The following ADGRB2 variants were observed in gnomAD, a reference collection of about 807,000 sequenced individuals.
The protein encoded by ADGRB2 is adhesion G protein-coupled receptor B2.
ADGRB2 carries 47 observed loss-of-function variants against 178.7 expected under a neutral mutation model. That is an observed-to-expected ratio of 0.26 (90% confidence interval 0.21 to 0.34). ADGRB2 has a LOEUF of 0.34. Ranked by LOEUF, ADGRB2 falls within the 10% of genes least tolerant of loss-of-function variation. The pLI is 1.00. For missense variants in ADGRB2, 1,584 were observed against 2,180.8 expected (o/e 0.73, Z 5.45); for synonymous variants, 870 against 912.4 (o/e 0.95, Z 0.84).
chr1:31,741,753 G>A lies in ADGRB2; in HGVS notation c.1586-28C>T. The A allele has an allele frequency of 1.2e-6, 2 of 1,604,480 alleles. No homozygotes were observed. Among genetic ancestry groups the A allele is most frequent in the Non-Finnish European group, 1.7e-6 (2 of 1,172,914 alleles). ...GTGGGTGCAGGGGTAAGGTTCAGCT[G>A]GGTCCACACATGGGGCCCCCAGCCC... On this transcript the variant is annotated intron_variant, in intron 9 of 32. Coordinates refer to ENST00000373658, the MANE Select transcript of ADGRB2 (RefSeq NM_001364857.2). This position sits in a 1 kb window ranked among gnomAD's most constrained non-coding sequence, Gnocchi z 6.5.
intron 20 of ADGRB2, among the ~76,000 whole-genome samples, 184 bp downstream of exon 20, chr1:31,737,245 C>T (rs1014475421): frequency 4.6e-5 from 7 of 152,194 alleles, no homozygotes; most frequent in Admixed American, 2.6e-4. Context: ...CACTTGAGTA[C>T]ACACCCCCTC....
At position 31,736,558 on chromosome 1, in the gene ADGRB2, A is replaced by C. The variant is rs1340254368; in HGVS notation, c.3130+15T>G. 6.2e-7 allele frequency: 1 copy of C among 1,612,764 alleles called. No individual in the cohort carries two copies. Among genetic ancestry groups the C allele is most frequent in the African/African-American group, 1.3e-5 (1 of 74,900 alleles). On this transcript the variant is annotated intron_variant, in intron 21 of 32. Transcript: ENST00000373658. Reference sequence around the variant, plus strand: ...CCAAGGCCCAGCAGCAGAGTCCAGCACTGGCCCTGCTCACCCCAGCCCAGG... The same window carrying C: ...CCAAGGCCCAGCAGCAGAGTCCAGCCCTGGCCCTGCTCACCCCAGCCCAGG...
At position 31,756,693 on chromosome 1, in the gene ADGRB2, G is replaced by A; in HGVS notation, c.144C>T (p.Leu48=). The change falls in exon 4 of 33, where the codon CTC becomes CTT. Residue 48 remains leucine (L), a synonymous_variant. Transcript: ENST00000373658. The surrounding 1 kb of genome is among the most constrained non-coding windows in gnomAD (Gnocchi z 8.5). ...SACSALASGV[L]YGAFSLQDLF... ...GGTCCTGCAGCGAGAAGGCCCCGTAGAGCACACCCGAGGCCAGGGCAGAGC... is the reference window on the plus strand; with the variant it reads ...GGTCCTGCAGCGAGAAGGCCCCGTAAAGCACACCCGAGGCCAGGGCAGAGC... 1.9e-6 allele frequency: 3 copies of A among 1,606,538 alleles called. No individual in the cohort carries two copies. The highest frequency in any genetic ancestry group is 2.5e-6 in the Non-Finnish European group (3 of 1,176,862).
In ADGRB2 at chr1:31,727,495, T is replaced by G; in HGVS notation, c.4683A>C (p.Glu1561Asp). Residue 1561 changes from glutamate to aspartate, a missense_variant, in exon 33 of 33, where the codon GAA becomes GAC. Physicochemically the swap from Glu to Asp is conservative, Grantham distance 45 (BLOSUM62 2). Transcript: ENST00000373658. The surrounding 1 kb of genome is among the most constrained non-coding windows in gnomAD (Gnocchi z 4.4). ...TLGSLPPKPR[E>D]RLTLHRAAAW... is the part of the protein sequence containing the mutation. ...CTGCTGCCCGGTGCAGAGTCAGCCGTTCTCGGGGCTTGGGGGGCAGCGAGC... is the reference window on the plus strand; with the variant it reads ...CTGCTGCCCGGTGCAGAGTCAGCCGGTCTCGGGGCTTGGGGGGCAGCGAGC... The G allele has an allele frequency of 6.3e-7, 1 of 1,596,144 alleles. No individual in the cohort carries two copies. The highest frequency in any genetic ancestry group is 8.5e-7 in the Non-Finnish European group (1 of 1,175,062).
chr1:31,736,560 T>G lies in ADGRB2; in HGVS notation c.3130+13A>C. On this transcript the variant is annotated intron_variant, in intron 21 of 32. Coordinates refer to ENST00000373658, the MANE Select transcript of ADGRB2 (RefSeq NM_001364857.2). Reference sequence around the variant, plus strand: ...AAGGCCCAGCAGCAGAGTCCAGCACTGGCCCTGCTCACCCCAGCCCAGGCA... The same window carrying G: ...AAGGCCCAGCAGCAGAGTCCAGCACGGGCCCTGCTCACCCCAGCCCAGGCA... 6.2e-7 allele frequency: 1 copy of G among 1,612,996 alleles called. No homozygotes were observed. The highest frequency in any genetic ancestry group is 8.5e-7 in the Non-Finnish European group (1 of 1,179,364).
Position 31,735,497 on chromosome 1 carries a change from G to T in ADGRB2, c.3353+83C>A. On this transcript the variant is annotated intron_variant, in intron 24 of 32. Coordinates refer to ENST00000373658, the MANE Select transcript of ADGRB2 (RefSeq NM_001364857.2). This position sits in a 1 kb window ranked among gnomAD's most constrained non-coding sequence, Gnocchi z 6.0. ...TGGGGAGCCCCGGTCGCATCATCGAGCCCTGAGTCTCCAAGAGCACCCATG... is the reference window on the plus strand; with the variant it reads ...TGGGGAGCCCCGGTCGCATCATCGATCCCTGAGTCTCCAAGAGCACCCATG... 6.6e-7 allele frequency: 1 copy of T among 1,516,246 alleles called. No individual in the cohort carries two copies. Among genetic ancestry groups the T allele is most frequent in the South Asian group, 1.2e-5 (1 of 86,318 alleles). 93.9% of individuals were successfully genotyped at this position (1,516,246 alleles called of 1,614,324 possible). A position where few individuals can be genotyped will look rare whatever the true frequency, so the allele number is the denominator to read the frequency against.
At position 31,756,103 on chromosome 1, in the gene ADGRB2, TG is replaced by T; in HGVS notation, c.733del (p.His245ThrfsTer33). 1 of 1,613,612 alleles carries T rather than the reference TG, an allele frequency of 6.2e-7. No homozygotes were observed. Reference sequence around the variant, plus strand: ...GGGCACCAGGGCATTGGACAGGGTGTGGGCAGCAGGAGGGCCTGGAGATGTG... The same window carrying T: ...GGGCACCAGGGCATTGGACAGGGTGTGGCAGCAGGAGGGCCTGGAGATGTG... The part of the protein sequence containing the change: ...TTTSPGPPAA[H>X]TLSNALVPGG... On this transcript the variant is annotated frameshift_variant, in exon 4 of 33. Transcript: ENST00000373658. LOFTEE classifies it high-confidence loss of function. The surrounding 1 kb of genome is among the most constrained non-coding windows in gnomAD (Gnocchi z 8.5).
In ADGRB2 at chr1:31,736,823, C is replaced by T. The variant is rs116483580; in HGVS notation, c.2980-100G>A. ...GCTGCTGGGCGCTGCCACAGCCGCC[C>T]ACCTGAGCCCCGCCCCCCACAGAGC... On this transcript the variant is annotated intron_variant, in intron 20 of 32. Transcript: ENST00000373658. 1.3e-3 allele frequency: 1,997 copies of T among 1,481,482 alleles called. 23 individuals are homozygous for T. The African/African-American group carries it at 0.024, about 18-fold the overall frequency. 91.8% of individuals were successfully genotyped at this position (1,481,482 alleles called of 1,614,324 possible).
In ADGRB2 at chr1:31,744,414, T is replaced by G; in HGVS notation, c.923-57A>C. The G allele has an allele frequency of 1.3e-6, 2 of 1,538,548 alleles. No homozygotes were observed. The highest frequency in any genetic ancestry group is 1.7e-6 in the Non-Finnish European group (2 of 1,143,622). On this transcript the variant is annotated intron_variant, in intron 5 of 32. Coordinates refer to ENST00000373658, the MANE Select transcript of ADGRB2 (RefSeq NM_001364857.2). The surrounding 1 kb of genome is among the most constrained non-coding windows in gnomAD (Gnocchi z 6.7). ...GGCACCTCCCAAGCACTCAGTCTCA[T>G]AGGGATAGGGGGAGTGGCAGTAAGG... is the stretch of plus-strand genomic sequence containing the variant.
rs1647125006 is a variant in ADGRB2, at chr1:31,763,892, C to G, written c.-199G>C. ...TGGGGCCGAGCACTCACCTGGGCGC[C>G]GTCAGCAGCAGGAGCGGGGGCCGGC... is the stretch of plus-strand genomic sequence containing the variant. On this transcript the variant is annotated 5_prime_UTR_variant, in exon 1 of 33. Coordinates refer to ENST00000373658, the MANE Select transcript of ADGRB2 (RefSeq NM_001364857.2). 1 of 985,314 alleles carries G rather than the reference C, an allele frequency of 1.0e-6. No individual in the cohort carries two copies. The highest frequency in any genetic ancestry group is 1.7e-5 in the African/African-American group (1 of 57,152). The allele number at this position is 985,314 out of a possible 1,614,324, so 61.0% of individuals were successfully genotyped here. A position where few individuals can be genotyped will look rare whatever the true frequency, so the allele number is the denominator to read the frequency against.
At chr1:31,729,374 C>T (rs1645161620) in intron 29 of ADGRB2, among the ~76,000 whole-genome samples, 1 of 152,108 alleles carries the variant, frequency 6.6e-6, no homozygotes. Flanking sequence ...GGCATGCTCA[C>T]CACCATGGGC....
Position 31,764,046 on chromosome 1 carries a change from A to G in ADGRB2, c.-353T>C. On this transcript the variant is annotated 5_prime_UTR_variant, in exon 1 of 33. Coordinates refer to ENST00000373658, the MANE Select transcript of ADGRB2 (RefSeq NM_001364857.2). This position sits in a 1 kb window ranked among gnomAD's most constrained non-coding sequence, Gnocchi z 7.3. The stretch of plus-strand genomic sequence containing the variant: ...GCTCTCCCGGGCGGCGGGTGCAGAA[A>G]AGGCGCCGCGGAGCAGCGCGGGGCG... The G allele has an allele frequency of 1.1e-6, 1 of 875,060 alleles. No individual in the cohort carries two copies. The highest frequency in any genetic ancestry group is 1.4e-6 in the Non-Finnish European group (1 of 737,952). 54.2% of individuals were successfully genotyped at this position (875,060 alleles called of 1,614,324 possible).
chr1:31,731,415 C>A lies in ADGRB2; in HGVS notation c.3765G>T (p.Leu1255=). The A allele has an allele frequency of 6.3e-7, 1 of 1,595,506 alleles. No homozygotes were observed. The highest frequency in any genetic ancestry group is 1.1e-5 in the South Asian group (1 of 87,506). Residue 1255 remains leucine (L), a synonymous_variant, in exon 29 of 33, where the codon CTG becomes CTT. Coordinates refer to ENST00000373658, the MANE Select transcript of ADGRB2 (RefSeq NM_001364857.2). ...KDVDLACQTV[L]FKEVNTCNPS... is the part of the protein sequence containing the mutation. ...GGTTGCAAGTGTTGACCTCCTTGAA[C>A]AGCACTGGGGGCAGGAGTGGGAGGG... is the stretch of plus-strand genomic sequence containing the variant.
rs750007587 is a variant in ADGRB2, at chr1:31,733,503, G to A, written c.3453-360C>T. Among the ~76,000 whole-genome samples, 9 of 152,148 alleles carry A rather than the reference G, an allele frequency of 5.9e-5. No individual in the cohort carries two copies. Among genetic ancestry groups the A allele is most frequent in the African/African-American group, 1.9e-4 (8 of 41,424 alleles). ...TTTTAAAAATGCACGGGGCCGGGAC[G>A]GCATCCCCAGAGCCTAACTGGGTAG... On this transcript the variant is annotated intron_variant, in intron 25 of 32. Coordinates refer to ENST00000373658, the MANE Select transcript of ADGRB2 (RefSeq NM_001364857.2). This position sits in a 1 kb window ranked among gnomAD's most constrained non-coding sequence, Gnocchi z 4.3.
rs1302672307 is a variant in ADGRB2, at chr1:31,735,434, G to A, written c.3353+146C>T. The A allele has an allele frequency of 8.8e-6, 11 of 1,255,488 alleles. No individual in the cohort carries two copies. The highest frequency in any genetic ancestry group is 2.6e-5 in the South Asian group (2 of 78,202). 77.8% of individuals were successfully genotyped at this position (1,255,488 alleles called of 1,614,324 possible). ...GTGAGGGGCTGCGGCTGAGCACTCC[G>A]GGTGCCCACCTTGCCTGCAACCTTG... On this transcript the variant is annotated intron_variant, in intron 24 of 32. Transcript: ENST00000373658. The surrounding 1 kb of genome is among the most constrained non-coding windows in gnomAD (Gnocchi z 6.0).
intron 14 of ADGRB2, 124 bp downstream of exon 14, chr1:31,739,802 C>T: frequency 1.7e-6 from 2 of 1,200,250 alleles, no homozygotes; most frequent in African/African-American, 1.5e-5. Flanking sequence ...ACAGACCACA[C>T]ATAGATGAAG....
rs1645035601 is a variant in ADGRB2, at chr1:31,727,252, C to T, written c.*168G>A. The T allele has an allele frequency of 1.3e-6, 1 of 792,238 alleles. No individual in the cohort carries two copies. The highest frequency in any genetic ancestry group is 1.8e-6 in the Non-Finnish European group (1 of 546,596). 49.1% of individuals were successfully genotyped at this position (792,238 alleles called of 1,614,324 possible). A position where few individuals can be genotyped will look rare whatever the true frequency, so the allele number is the denominator to read the frequency against. Reference sequence around the variant, plus strand: ...GAGAAACAAGGAAGGGCCCTGGGACCCCAGGCCAAGCCATGTCCGGCTCCC... The same window carrying T: ...GAGAAACAAGGAAGGGCCCTGGGACTCCAGGCCAAGCCATGTCCGGCTCCC... On this transcript the variant is annotated 3_prime_UTR_variant, in exon 33 of 33. Coordinates refer to ENST00000373658, the MANE Select transcript of ADGRB2 (RefSeq NM_001364857.2). This position sits in a 1 kb window ranked among gnomAD's most constrained non-coding sequence, Gnocchi z 4.4.
intron 4 of ADGRB2, among the ~76,000 whole-genome samples, chr1:31,748,555 A>C (rs545693629): frequency 6.6e-6 from 1 of 152,380 alleles, no homozygotes; most frequent in Admixed American, 6.5e-5. Flanking sequence ...ATCCAAGAGG[A>C]AGCTGAGCCA....
At position 31,735,427 on chromosome 1, in the gene ADGRB2, G is replaced by A. The variant is rs1365948368; in HGVS notation, c.3354-146C>T. ...AGGGTGGGTGAGGGGCTGCGGCTGAGCACTCCGGGTGCCCACCTTGCCTGC... is the reference window on the plus strand; with the variant it reads ...AGGGTGGGTGAGGGGCTGCGGCTGAACACTCCGGGTGCCCACCTTGCCTGC... On this transcript the variant is annotated intron_variant, in intron 24 of 32. Transcript: ENST00000373658. The surrounding 1 kb of genome is among the most constrained non-coding windows in gnomAD (Gnocchi z 6.0). The A allele has an allele frequency of 8.1e-7, 1 of 1,236,630 alleles. No homozygotes were observed. Among genetic ancestry groups the A allele is most frequent in the Admixed American group, 2.0e-5 (1 of 50,612 alleles). The allele number at this position is 1,236,630 out of a possible 1,614,324, so 76.6% of individuals were successfully genotyped here.
Sources: allele counts gnomAD v4.1 joint callset (sites outside exome capture counted in the v4.1 genomes callset), GRCh38; gene constraint gnomAD v4.1.1; non-coding constraint Gnocchi (gnomAD v3.1); transcripts MANE v1.5; gene names NCBI Gene and HGNC (gene_info 2026-07-23, HGNC 2026-07-21).